The following OSBP2 variants were observed in gnomAD, a reference collection of about 807,000 sequenced individuals.
The protein encoded by OSBP2 is oxysterol binding protein 2.
In OSBP2, 66 loss-of-function variants were observed where a neutral mutation model predicts 96.0. That is an observed-to-expected ratio of 0.69 (90% CI 0.56 to 0.84). OSBP2 has a LOEUF of 0.84. OSBP2 is among the 40% of genes least tolerant of loss of function. The pLI, the probability that OSBP2 is intolerant of heterozygous loss-of-function variation, is 0.00. For synonymous variants in OSBP2, 525 were observed against 520.9 expected, an observed-to-expected ratio of 1.01 and a Z score of -0.11; for missense variants, 1,038 against 1,222.7, an observed-to-expected ratio of 0.85 and a Z score of 2.25.
At chr22:30,828,036 G>A (rs1406676692) in intron 2 of OSBP2, among the ~76,000 whole-genome samples, 1 of 152,182 alleles carries the variant, frequency 6.6e-6, no homozygotes, top group Non-Finnish European at 1.5e-5. Context: ...CTGAACTCTT[G>A]AGGGGCCTGG....
At chr22:30,848,211 A>G (rs1352609744) in intron 2 of OSBP2, among the ~76,000 whole-genome samples, 3 of 152,238 alleles carry the variant, frequency 2.0e-5, no homozygotes, top group African/African-American at 7.2e-5. Flanking sequence ...TTGCTATTGC[A>G]AATAGTGCTT....
chr22:30,694,380 A>T, upstream of OSBP2: 1 of 1,507,262 alleles, frequency 6.6e-7, no homozygotes, highest in South Asian at 1.3e-5. Flanking sequence ...CGTCGTCTTT[A>T]GCCTTTAGCG....
intron 1 of OSBP2, among the ~76,000 whole-genome samples, chr22:30,717,130 G>T (rs1054406711): frequency 6.8e-6 from 1 of 146,118 alleles, no homozygotes; most frequent in Non-Finnish European, 1.5e-5. Context: ...GTGTGTGTGT[G>T]TGTAGAGACA....
intron 1 of OSBP2, among the ~76,000 whole-genome samples, chr22:30,734,077 C>A (rs1013952990): frequency 6.6e-6 from 1 of 152,176 alleles, no homozygotes; most frequent in African/African-American, 2.4e-5. Context: ...TGGGTTCAAA[C>A]GACTCTCCTG....
intron 1 of OSBP2, among the ~76,000 whole-genome samples, chr22:30,725,510 C>G (rs946062856): frequency 6.6e-6 from 1 of 150,840 alleles, no homozygotes; most frequent in African/African-American, 2.4e-5. Flanking sequence ...GACTCTTCAG[C>G]CCCCTCCACC....
At chr22:30,832,823 G>A (rs2038555308) in intron 2 of OSBP2, among the ~76,000 whole-genome samples, 1 of 152,186 alleles carries the variant, frequency 6.6e-6, no homozygotes, top group South Asian at 2.1e-4. Flanking sequence ...TCAGGGCTGG[G>A]CAGTGGCGCA....
At chr22:30,845,683 A>T (rs988025961) in intron 2 of OSBP2, among the ~76,000 whole-genome samples, 5 of 151,702 alleles carry the variant, frequency 3.3e-5, no homozygotes, top group Admixed American at 2.6e-4. Flanking sequence ...GGAGTTCGAG[A>T]CCAGCCTGGT....
intron 8 of OSBP2, among the ~76,000 whole-genome samples, chr22:30,892,893 G>C (rs961798138): frequency 6.6e-6 from 1 of 152,170 alleles, no homozygotes; most frequent in Non-Finnish European, 1.5e-5. Flanking sequence ...CAGCCCAGGA[G>C]CCAGGCACTG....
intron 2 of OSBP2, among the ~76,000 whole-genome samples, chr22:30,810,651 C>G (rs1236620400): frequency 6.6e-6 from 1 of 152,120 alleles, no homozygotes; most frequent in African/African-American, 2.4e-5. Context: ...GCCCCCACAC[C>G]TGGTTGCAGC....
At chr22:30,822,023 T>TC (rs1231205111) in intron 2 of OSBP2, among the ~76,000 whole-genome samples, 1 of 152,174 alleles carries the variant, frequency 6.6e-6, no homozygotes, top group Admixed American at 6.5e-5. Context: ...GGAGCCCAGC[T>TC]CCCCGGGGCC....
At position 30,775,790 on chromosome 22, in the gene OSBP2, G is replaced by T. The variant is rs186198336; in HGVS notation, c.853+34421G>T. 2.0e-3 allele frequency among the ~76,000 whole-genome samples: 296 copies of T among 151,732 alleles called. 1 individual carries two copies. Among genetic ancestry groups the T allele is most frequent in the African/African-American group, 6.6e-3 (274 of 41,368 alleles). ...ATTTATGGGTACATAAGATTTTTTT[G>T]GGGGGGAGGTTGTTTTTTTTTCTGA... On this transcript the variant is annotated intron_variant, in intron 2 of 13. Transcript: ENST00000332585.
At chr22:30,900,399 C>T (rs2040170338) in intron 12 of OSBP2, among the ~76,000 whole-genome samples, 1 of 151,778 alleles carries the variant, frequency 6.6e-6, no homozygotes, top group African/African-American at 2.4e-5. Flanking sequence ...ATATAATGTT[C>T]ACGGATAGAA....
chr22:30,743,463 C>T (rs2089965206), intron 2 of OSBP2, among the ~76,000 whole-genome samples: 1 of 152,116 alleles, frequency 6.6e-6, no homozygotes. Flanking sequence ...CCCCGGGTAC[C>T]ACTCCATCAC....
At chr22:30,832,683 G>A (rs1018689157) in intron 2 of OSBP2, among the ~76,000 whole-genome samples, 1 of 152,120 alleles carries the variant, frequency 6.6e-6, no homozygotes, top group African/African-American at 2.4e-5. Context: ...CTGTGATCAC[G>A]GTCACGATCT....
At chr22:30,749,467 G>A (rs2090046528) in intron 2 of OSBP2, among the ~76,000 whole-genome samples, 1 of 152,164 alleles carries the variant, frequency 6.6e-6, no homozygotes, top group Non-Finnish European at 1.5e-5. Context: ...CTCTGGTTAG[G>A]ATGCTTCTGA....
chr22:30,864,106 G>A (rs1478398725), intron 2 of OSBP2, among the ~76,000 whole-genome samples: 2 of 152,032 alleles, frequency 1.3e-5, no homozygotes, highest in African/African-American at 4.8e-5. Flanking sequence ...GAGTAGCTGG[G>A]ATTACAGGTG....
Position 30,703,496 on chromosome 22 carries a change from G to A in OSBP2, c.644+7943G>A, listed in dbSNP as rs1419063546. 5.0e-5 allele frequency among the ~76,000 whole-genome samples: 7 copies of A among 140,518 alleles called. 1 individual carries two copies. The South Asian group carries it at 1.6e-3, about 32-fold the overall frequency. 92.2% of individuals were successfully genotyped at this position (140,518 alleles called of 152,430 possible). A position where few individuals can be genotyped will look rare whatever the true frequency, so the allele number is the denominator to read the frequency against. On this transcript the variant is annotated intron_variant, in intron 1 of 13. Transcript: ENST00000332585. ...GCCTTATAGCTTTTTTTTTTTTTTA[G>A]ACAGAATCTCACTCTGTTGCCCAGG... is the stretch of plus-strand genomic sequence containing the variant.
chr22:30,778,317 A>ACAC (rs1380573930), intron 2 of OSBP2, among the ~76,000 whole-genome samples: 2 of 151,670 alleles, frequency 1.3e-5, no homozygotes, highest in African/African-American at 2.4e-5. Context: ...ACACACACAC[A>ACAC]CACACACACA....
At chr22:30,712,133 T>G (rs2089363536) in intron 1 of OSBP2, among the ~76,000 whole-genome samples, 1 of 152,168 alleles carries the variant, frequency 6.6e-6, no homozygotes. Flanking sequence ...TCAGACTGTT[T>G]CAGACCCTGT....
Sources: gnomAD v4.1 joint callset for allele counts (sites outside exome capture counted in the v4.1 genomes callset) on GRCh38, gnomAD v4.1.1 for gene constraint, MANE v1.5 for transcripts, NCBI Gene and HGNC (gene_info 2026-07-23, HGNC 2026-07-21) for gene names.